The following PTPRK variants were observed in gnomAD, a reference collection of about 807,000 sequenced individuals.
PTPRK encodes protein tyrosine phosphatase receptor type K, also known as receptor-type tyrosine-protein phosphatase kappa.
In PTPRK, 75 loss-of-function variants were observed where a neutral mutation model predicts 178.0. That is an observed-to-expected ratio of 0.42 (90% CI 0.35 to 0.51). PTPRK has a LOEUF of 0.51. PTPRK is among the 20% of genes least tolerant of loss of function. The probability of loss-of-function intolerance (pLI) is 0.02; values close to 1 mark genes in which losing one functional copy is unlikely to be tolerated. For synonymous variants in PTPRK, 637 were observed against 620.6 expected, an observed-to-expected ratio of 1.03 and a Z score of -0.39; for missense variants, 1,441 against 1,797.8, an observed-to-expected ratio of 0.80 and a Z score of 3.59.
intron 3 of PTPRK, among the ~76,000 whole-genome samples, chr6:128,268,553 T>A (rs926660061): frequency 6.6e-6 from 1 of 152,058 alleles, no homozygotes. Context: ...GCGAAAAATG[T>A]AAAATGGTTT....
chr6:128,493,821 C>T (rs1273696090), intron 1 of PTPRK, among the ~76,000 whole-genome samples: 1 of 152,156 alleles, frequency 6.6e-6, no homozygotes, highest in African/African-American at 2.4e-5. Flanking sequence ...GTAACTGTCC[C>T]CTCATCTATG....
At chr6:128,475,384 T>G (rs538408586) in intron 1 of PTPRK, among the ~76,000 whole-genome samples, 4 of 152,186 alleles carry the variant, frequency 2.6e-5, no homozygotes, top group Admixed American at 2.6e-4. Context: ...TTATTTCAGA[T>G]AGATCACTTC....
At chr6:128,170,903 C>CAA (rs201323667) in intron 7 of PTPRK, among the ~76,000 whole-genome samples, 6 of 129,730 alleles carry the variant, frequency 4.6e-5, no homozygotes, top group Admixed American at 7.7e-5. Flanking sequence ...AGTAAGAAAG[C>CAA]AAAAAAAAAA....
rs556840049 is a variant in PTPRK, at chr6:128,094,556, TG to T, written c.1163-4565del. Reference sequence around the variant, plus strand: ...AGAAAGTTCAAGAAGAGACACAGATTGGGGGGTAAAATGATCCAATAATTTC... The same window carrying T: ...AGAAAGTTCAAGAAGAGACACAGATTGGGGGTAAAATGATCCAATAATTTC... On this transcript the variant is annotated intron_variant, in intron 7 of 29. Coordinates refer to ENST00000368226, the MANE Select transcript of PTPRK (RefSeq NM_002844.4). Among the ~76,000 whole-genome samples the T allele has an allele frequency of 3.6e-3, 544 of 152,198 alleles. 4 individuals carry two copies. The highest frequency in any genetic ancestry group is 0.012 in the African/African-American group (498 of 41,540).
At chr6:128,061,940 G>C (rs1403812916) in intron 13 of PTPRK, 1 of 152,024 alleles carries the variant, frequency 6.6e-6, no homozygotes, top group African/African-American at 2.4e-5. Context: ...ATGTACAGTT[G>C]GACAGATTTT....
intron 3 of PTPRK, among the ~76,000 whole-genome samples, chr6:128,293,120 T>C (rs1305994015): frequency 2.6e-5 from 4 of 152,102 alleles, no homozygotes. Flanking sequence ...AAGTATATAA[T>C]GCAATAAATA....
chr6:128,309,807 C>A (rs1013665495), intron 3 of PTPRK, among the ~76,000 whole-genome samples: 3 of 152,064 alleles, frequency 2.0e-5, no homozygotes, highest in African/African-American at 7.3e-5. Flanking sequence ...TAAATTAACA[C>A]CATTTTTATA....
intron 24 of PTPRK, among the ~76,000 whole-genome samples, chr6:127,981,600 T>C (rs1448221872): frequency 1.3e-5 from 2 of 152,106 alleles, no homozygotes; most frequent in Non-Finnish European, 2.9e-5. Context: ...ATTATGATAA[T>C]GACCCTTCAT....
At chr6:128,469,286 A>G (rs560659671) in intron 1 of PTPRK, among the ~76,000 whole-genome samples, 1 of 152,342 alleles carries the variant, frequency 6.6e-6, no homozygotes, top group East Asian at 1.9e-4. Context: ...GCTGTTACAA[A>G]TTAATAAAGA....
At chr6:128,342,276 G>A (rs549420480) in intron 2 of PTPRK, among the ~76,000 whole-genome samples, 1 of 152,022 alleles carries the variant, frequency 6.6e-6, no homozygotes, top group East Asian at 1.9e-4. Flanking sequence ...GAAGAGAAGA[G>A]AAGAGAAAAT....
At chr6:128,268,370 T>C (rs1252703627) in intron 3 of PTPRK, among the ~76,000 whole-genome samples, 3 of 152,002 alleles carry the variant, frequency 2.0e-5, no homozygotes, top group Non-Finnish European at 4.4e-5. Flanking sequence ...TCATCAATTA[T>C]TGAGCACAAA....
chr6:128,112,860 T>G (rs934908501), intron 7 of PTPRK, among the ~76,000 whole-genome samples: 11 of 152,254 alleles, frequency 7.2e-5, no homozygotes, highest in Middle Eastern at 3.4e-3. Context: ...AAATGCAGTT[T>G]GATTTCTTAC....
Position 128,302,613 on chromosome 6 carries a change from C to T in PTPRK, c.495+19426G>A, listed in dbSNP as rs139703401. ...TTACCTGTTCCTTTCTTGAAACATTCTCTTCCTTTAAATTTCCTGTTACTC... is the reference window on the plus strand; with the variant it reads ...TTACCTGTTCCTTTCTTGAAACATTTTCTTCCTTTAAATTTCCTGTTACTC... On this transcript the variant is annotated intron_variant, in intron 3 of 29. Coordinates refer to ENST00000368226, the MANE Select transcript of PTPRK (RefSeq NM_002844.4). 1.7e-4 allele frequency among the ~76,000 whole-genome samples: 25 copies of T among 150,474 alleles called. No individual in the cohort carries two copies. In the East Asian group the frequency reaches 4.6e-3, roughly 28 times the overall value.
At chr6:128,180,304 A>C (rs530338989) in intron 7 of PTPRK, among the ~76,000 whole-genome samples, 20 of 150,360 alleles carry the variant, frequency 1.3e-4, no homozygotes, top group Admixed American at 2.6e-4. Context: ...GACACACAGA[A>C]AAAAAAAAAG....
rs1562369368 is a variant in PTPRK, at chr6:127,977,017, T to C, written c.3749A>G (p.Tyr1250Cys). The C allele has an allele frequency of 1.2e-6, 2 of 1,614,006 alleles. No homozygotes were observed. Among genetic ancestry groups the C allele is most frequent in the Non-Finnish European group, 1.7e-6 (2 of 1,179,932 alleles). Residue 1250 changes from tyrosine (Y) to cysteine (C), a missense_variant, in exon 26 of 30, where the codon TAC becomes TGC. Transcript: ENST00000368226. ...GTCTTTTACAGTGTTTGGCAGAGGG[T>C]ATTGTGTGACGATGAAAGCAGCTGG... ...RQPAAFIVTQYPLPNTVKDFW... is the reference protein window; with the variant it reads ...RQPAAFIVTQCPLPNTVKDFW...
chr6:128,065,288 A>G (rs1399681686), intron 12 of PTPRK, among the ~76,000 whole-genome samples: 2 of 152,220 alleles, frequency 1.3e-5, no homozygotes, highest in Non-Finnish European at 2.9e-5. Flanking sequence ...GTTATGGTGT[A>G]ATTTATCTGT....
At chr6:127,989,302 A>T (rs1776326270) in intron 21 of PTPRK, among the ~76,000 whole-genome samples, 2 of 152,054 alleles carry the variant, frequency 1.3e-5, no homozygotes, top group Admixed American at 6.6e-5. Context: ...TGCTTATTTT[A>T]TTCTACTTGA....
chr6:128,056,697 TAC>T (rs1299397964), intron 13 of PTPRK, among the ~76,000 whole-genome samples: 7 of 152,170 alleles, frequency 4.6e-5, no homozygotes, highest in Non-Finnish European at 7.3e-5. Context: ...GTGCTGGGAT[TAC>T]AGGTGTGAGC....
intron 7 of PTPRK, among the ~76,000 whole-genome samples, chr6:128,118,145 T>C (rs1379778847): frequency 6.6e-6 from 1 of 152,150 alleles, no homozygotes; most frequent in Non-Finnish European, 1.5e-5. Context: ...CAATACATAA[T>C]AGTCATAGTG....
Sources: gnomAD v4.1 joint callset for allele counts (sites outside exome capture counted in the v4.1 genomes callset) on GRCh38, gnomAD v4.1.1 for gene constraint, MANE v1.5 for transcripts, NCBI Gene and HGNC (gene_info 2026-07-23, HGNC 2026-07-21) for gene names.